Variants in PRKAR1B observed in about 807,000 individuals in gnomAD.
PRKAR1B encodes cAMP-dependent protein kinase type I-beta regulatory subunit.
A neutral mutation model predicts 46.5 loss-of-function variants in PRKAR1B; 22 were observed. The observed-to-expected ratio is 0.47, with a 90% CI of 0.34 to 0.68. The LOEUF is 0.68. Ranked by LOEUF, PRKAR1B falls within the 30% of genes least tolerant of loss-of-function variation. The pLI, the probability that PRKAR1B is intolerant of heterozygous loss-of-function variation, is 0.01. For missense variants in PRKAR1B, 445 were observed against 535.6 expected (o/e 0.83, Z 1.67); for synonymous variants, 259 against 217.7 (o/e 1.19, Z -1.67).
At chr7:597,385 C>G (rs534447116) in intron 6 of PRKAR1B, among the ~76,000 whole-genome samples, 1 of 152,196 alleles carries the variant, frequency 6.6e-6, no homozygotes, top group African/African-American at 2.4e-5. Flanking sequence ...TTCGGAGGCA[C>G]AGGGGCGACT....
At chr7:566,237 TATCATCATCACCATGAC>T (rs1484904341) in intron 9 of PRKAR1B, among the ~76,000 whole-genome samples, 17 of 76,002 alleles carry the variant, frequency 2.2e-4, no homozygotes, top group African/African-American at 5.8e-4. Context: ...TCATCATCAC[TATCATCATCACCATGAC>T]ATCATCATCA....
chr7:670,301 C>A lies in PRKAR1B; in HGVS notation c.440+6928G>T, dbSNP rs117385380. Among the ~76,000 whole-genome samples the A allele has an allele frequency of 5.9e-4, 90 of 152,346 alleles. 2 individuals carry two copies. The East Asian group carries it at 0.016, about 27-fold the overall frequency. ...TCCTCCCTAGGCACCCAGGGAATGA[C>A]TGCCCAGCATCCCTGCAACCACGCC... On this transcript the variant is annotated intron_variant, in intron 4 of 10. Coordinates refer to ENST00000537384, the MANE Select transcript of PRKAR1B (RefSeq NM_001164760.2).
chr7:583,504 TACACACCCAC>T (rs1273209813), intron 8 of PRKAR1B, among the ~76,000 whole-genome samples: 4 of 123,462 alleles, frequency 3.2e-5, no homozygotes, highest in African/African-American at 1.3e-4. Context: ...TGCACACCCA[TACACACCCAC>T]ACACGCGTGC....
At chr7:592,360 G>A (rs1233457487) in intron 7 of PRKAR1B, among the ~76,000 whole-genome samples, 1 of 152,366 alleles carries the variant, frequency 6.6e-6, no homozygotes, top group East Asian at 1.9e-4. Context: ...GAGAAATGGA[G>A]AAGCCGCGTC....
At chr7:630,549 T>C (rs1274258751) in intron 4 of PRKAR1B, among the ~76,000 whole-genome samples, 1 of 152,200 alleles carries the variant, frequency 6.6e-6, no homozygotes, top group Non-Finnish European at 1.5e-5. Context: ...TTTGTTATTA[T>C]TGTTTTAATT....
intron 2 of PRKAR1B, among the ~76,000 whole-genome samples, chr7:709,108 TAAAAAA>T (rs67191707): frequency 1.0e-4 from 7 of 70,244 alleles, no homozygotes; most frequent in Admixed American, 1.9e-4. Context: ...TATTTAATAC[TAAAAAA>T]AAAAAAAAAA....
intron 4 of PRKAR1B, among the ~76,000 whole-genome samples, chr7:647,982 C>A (rs1784712270): frequency 6.6e-6 from 1 of 151,490 alleles, no homozygotes; most frequent in Admixed American, 6.6e-5. Context: ...CCCAGCTCTA[C>A]AAAAAATTTA....
chr7:706,089 G>A (rs1342289715), intron 2 of PRKAR1B, among the ~76,000 whole-genome samples: 2 of 152,190 alleles, frequency 1.3e-5, no homozygotes, highest in Non-Finnish European at 2.9e-5. Context: ...ACTTTGGGAA[G>A]CCGAGTGGGG....
chr7:579,323 T>G lies in PRKAR1B; in HGVS notation c.824A>C (p.Gln275Pro). 1 of 1,614,180 alleles carries G rather than the reference T, an allele frequency of 6.2e-7. No homozygotes were observed. The highest frequency in any genetic ancestry group is 8.5e-7 in the Non-Finnish European group (1 of 1,180,026). ...CACAATTTTCTCTCCATCTTCAAAC[T>G]GGACGGGCTCCAGCGCATCCGCCAC... ...LTVADALEPV[Q>P]FEDGEKIVVQ... is the part of the protein sequence containing the mutation. Residue 275 changes from glutamine to proline, a missense_variant, in exon 9 of 11, where the codon CAG (glutamine) becomes CCG (proline). By Grantham distance (76) the Gln-to-Pro change is moderately conservative. Transcript: ENST00000537384.
chr7:679,388 G>C (rs1778529274), intron 3 of PRKAR1B, among the ~76,000 whole-genome samples: 3 of 152,346 alleles, frequency 2.0e-5, no homozygotes, highest in South Asian at 4.1e-4. Flanking sequence ...AGCAGGGCTG[G>C]TCAGGCATTC....
intron 4 of PRKAR1B, among the ~76,000 whole-genome samples, chr7:624,100 C>T (rs62432166): frequency 0.75 from 113,808 of 152,124 alleles, 43,000 homozygotes; most frequent in South Asian, 0.9. Flanking sequence ...GACCAGCACC[C>T]GCAGGTTTAG....
intron 4 of PRKAR1B, among the ~76,000 whole-genome samples, chr7:659,142 T>A (rs1785364769): frequency 6.6e-6 from 1 of 152,104 alleles, no homozygotes; most frequent in Admixed American, 6.5e-5. Flanking sequence ...CAAAACTGCA[T>A]CCCCACCCCC....
chr7:639,752 G>A (rs535841890), intron 4 of PRKAR1B, among the ~76,000 whole-genome samples: 3 of 152,272 alleles, frequency 2.0e-5, no homozygotes, highest in Admixed American at 6.5e-5. Context: ...CTATTCAGGA[G>A]GCTGAGGCAG....
rs575179108 is a variant in PRKAR1B at position 721,408 on chromosome 7, G to A, written c.-23+5802C>T. 1.2e-4 allele frequency among the ~76,000 whole-genome samples: 18 copies of A among 152,198 alleles called. No individual in the cohort carries two copies. In the Middle Eastern group the frequency reaches 0.01, roughly 86 times the overall value. On this transcript the variant is annotated intron_variant, in intron 1 of 10. Transcript: ENST00000537384. Reference sequence around the variant, plus strand: ...ACGCCTGTAATCCCAGCACTTTGGGGGGCATTGAGGCAGGTGGATCACCTG... The same window carrying A: ...ACGCCTGTAATCCCAGCACTTTGGGAGGCATTGAGGCAGGTGGATCACCTG...
intron 9 of PRKAR1B, among the ~76,000 whole-genome samples, chr7:563,528 C>T (rs1037462509): frequency 5.3e-5 from 8 of 152,246 alleles, no homozygotes; most frequent in African/African-American, 9.6e-5. Context: ...AACCTCTGCA[C>T]GCTGGGTGTG....
chr7:653,741 T>A (rs1341610138), intron 4 of PRKAR1B, among the ~76,000 whole-genome samples: 1 of 152,212 alleles, frequency 6.6e-6, no homozygotes, highest in African/African-American at 2.4e-5. Flanking sequence ...CCATTGCAGA[T>A]GATTTCTAGG....
chr7:607,615 C>T (rs1461313396), intron 4 of PRKAR1B, among the ~76,000 whole-genome samples, 163 bp from the exon 5 acceptor site: 4 of 152,184 alleles, frequency 2.6e-5, no homozygotes, highest in African/African-American at 7.2e-5. Context: ...CTTCATGACC[C>T]GAAGGCCAGA....
intron 10 of PRKAR1B, 66 bp downstream of exon 10, chr7:551,323 C>T (rs979851259): frequency 8.2e-6 from 12 of 1,469,928 alleles, no homozygotes; most frequent in African/African-American, 1.4e-5. Context: ...CACCTCCAGG[C>T]CCCTCCCGAG....
At chr7:570,043 C>G (rs1242307558) in intron 9 of PRKAR1B, among the ~76,000 whole-genome samples, 1 of 152,260 alleles carries the variant, frequency 6.6e-6, no homozygotes, top group African/African-American at 2.4e-5. Flanking sequence ...CAAATGGGCC[C>G]CCTTTCAAGA....
Sources: gnomAD v4.1 joint callset for allele counts (sites outside exome capture counted in the v4.1 genomes callset) on GRCh38, gnomAD v4.1.1 for gene constraint, MANE v1.5 for transcripts, NCBI Gene and HGNC (gene_info 2026-07-23, HGNC 2026-07-21) for gene names.